Variants in INSRR observed in about 807,000 individuals in gnomAD.
INSRR encodes the protein insulin receptor related receptor.
INSRR carries 114 observed loss-of-function variants against 130.0 expected under a neutral mutation model. The ratio of observed to expected loss-of-function variants is 0.88; its 90% CI spans 0.75 to 1.02. The LOEUF (loss-of-function observed/expected upper bound fraction) is 1.02. INSRR is among the 50% of genes least tolerant of loss of function. INSRR has a pLI of 0.00. For synonymous variants in INSRR, 674 were observed against 705.2 expected (o/e 0.96, Z 0.70); for missense variants, 1,657 against 1,735.2 (o/e 0.95, Z 0.80).
rs545215100 is a variant in INSRR, at chr1:156,850,607, T to A, written c.1229+683A>T. Among the ~76,000 whole-genome samples, 8 of 132,806 alleles carry A rather than the reference T, an allele frequency of 6.0e-5. No individual in the cohort carries two copies. The South Asian group carries it at 2.1e-3, about 34-fold the overall frequency. The allele number at this position is 132,806 out of a possible 152,430, so 87.1% of individuals were successfully genotyped here. A position where few individuals can be genotyped will look rare whatever the true frequency, so the allele number is the denominator to read the frequency against. On this transcript the variant is annotated intron_variant, in intron 5 of 21. Transcript: ENST00000368195. Reference sequence around the variant, plus strand: ...CTGTAACTCAGGCCCTAGGCTGGAGTGCAGTGGCACGATTTCGGCTCACTG... The same window carrying A: ...CTGTAACTCAGGCCCTAGGCTGGAGAGCAGTGGCACGATTTCGGCTCACTG...
intron 12 of INSRR, 88 bp from the exon 13 acceptor site, chr1:156,844,931 G>A: frequency 6.3e-7 from 1 of 1,579,386 alleles, no homozygotes; most frequent in Admixed American, 1.7e-5. Context: ...TGAGCTGGGA[G>A]GTGGGGAAAG....
chr1:156,851,766 C>T lies in INSRR; in HGVS notation c.964G>A (p.Gly322Arg), dbSNP rs746583518. The change falls in exon 4 of 22, where the codon GGG becomes AGG. Residue 322 changes from glycine to arginine, a missense_variant. Gly to Arg is a moderately radical substitution (Grantham distance 125, BLOSUM62 -2). Transcript: ENST00000368195. ...SSSIFCHKCE[G>R]LCPKECKVGT... ...ACCTTGCACTCTTTAGGGCACAGCC[C>T]CTCGCACTTGTGGCAGAATATGCTA... The T allele has an allele frequency of 5.0e-6, 8 of 1,611,376 alleles. No homozygotes were observed. The highest frequency in any genetic ancestry group is 1.7e-5 in the Admixed American group (1 of 59,972).
chr1:156,854,436 G>T lies in INSRR; in HGVS notation c.86-133C>A. The T allele has an allele frequency of 1.0e-6, 1 of 988,172 alleles. No individual in the cohort carries two copies. Among genetic ancestry groups the T allele is most frequent in the Non-Finnish European group, 1.5e-6 (1 of 688,166 alleles). 61.2% of individuals were successfully genotyped at this position (988,172 alleles called of 1,614,324 possible). ...GGAGCCGGGCTCTGCTCTGGGTGTG[G>T]GGTGGCCTCCTTCCTGGGCCCCGGA... On this transcript the variant is annotated intron_variant, in intron 1 of 21. Transcript: ENST00000368195. The surrounding 1 kb of genome is among the most constrained non-coding windows in gnomAD (Gnocchi z 4.2).
At chr1:156,852,348 C>T (rs1056238966) in intron 2 of INSRR, among the ~76,000 whole-genome samples, 157 bp from the exon 3 acceptor site, 16 of 152,372 alleles carry the variant, frequency 1.1e-4, no homozygotes, top group Admixed American at 5.2e-4. Context: ...TGTTCCCCTC[C>T]GATGGGATTC....
chr1:156,843,642 G>A (rs919866520), intron 15 of INSRR, among the ~76,000 whole-genome samples, 163 bp from the exon 16 acceptor site: 8 of 152,240 alleles, frequency 5.3e-5, no homozygotes, highest in African/African-American at 1.9e-4. Context: ...CCTCCAAGTT[G>A]GCCTTGGCCC....
intron 15 of INSRR, 31 bp downstream of exon 15, chr1:156,844,144 G>A: frequency 6.6e-7 from 1 of 1,506,922 alleles, no homozygotes; most frequent in East Asian, 2.3e-5. Context: ...AGGGAGAAAA[G>A]GGGGTGGGGA....
At chr1:156,842,057 T>C (rs1654812473) in intron 19 of INSRR, 55 bp downstream of exon 19, 1 of 1,608,558 alleles carries the variant, frequency 6.2e-7, no homozygotes, top group African/African-American at 1.3e-5. Context: ...ATGCCTAGCT[T>C]AAGGGAGTCT....
At position 156,841,529 on chromosome 1, in the gene INSRR, C is replaced by T; in HGVS notation, c.3528-1G>A. On this transcript the variant is annotated splice_acceptor_variant, in intron 20 of 21. Coordinates refer to ENST00000368195, the MANE Select transcript of INSRR (RefSeq NM_014215.3). LOFTEE classifies it high-confidence loss of function. ...CTCCCAGAGTACCACGCCAAAGGAC[C>T]TGGGGGCATGCAGGAGCTCCTGAGC... The T allele has an allele frequency of 6.2e-7, 1 of 1,613,992 alleles. No individual in the cohort carries two copies. The highest frequency in any genetic ancestry group is 1.3e-5 in the African/African-American group (1 of 74,982).
At position 156,849,130 on chromosome 1, in the gene INSRR, A is replaced by C. The variant is rs1052955476; in HGVS notation, c.1445-83T>G. The stretch of plus-strand genomic sequence containing the variant: ...CCTGACCCCGCGGCATCCCATTCCC[A>C]GTGAGACCTCTGAGGAGAACTTCTC... On this transcript the variant is annotated intron_variant, in intron 6 of 21. Transcript: ENST00000368195. 3.8e-6 allele frequency: 6 copies of C among 1,596,894 alleles called. No individual in the cohort carries two copies. In the African/African-American group the frequency reaches 8.1e-5, roughly 21 times the overall value.
At chr1:156,851,842 G>A (rs1655221951) in intron 3 of INSRR, 46 bp downstream of exon 3, 2 of 1,578,898 alleles carry the variant, frequency 1.3e-6, no homozygotes, top group South Asian at 2.4e-5. Context: ...GCCTCCTCAG[G>A]CCTCCTCACT....
chr1:156,840,760 G>A lies in INSRR; in HGVS notation c.*113C>T, dbSNP rs559161018. On this transcript the variant is annotated 3_prime_UTR_variant, in exon 22 of 22. Coordinates refer to ENST00000368195, the MANE Select transcript of INSRR (RefSeq NM_014215.3). ...TGCTCCTGTTCTCTGCCCCACCCTC[G>A]GCCATCCCTTGCCCTGAGTTGGGGT... 22 of 809,592 alleles carry A rather than the reference G, an allele frequency of 2.7e-5. No homozygotes were observed. The highest frequency in any genetic ancestry group is 5.1e-5 in the African/African-American group (3 of 58,574). The allele number at this position is 809,592 out of a possible 1,614,324, so 50.2% of individuals were successfully genotyped here.
At chr1:156,845,585 T>TC (rs1267869816) in intron 10 of INSRR, 34 bp downstream of exon 10, 4 of 788,838 alleles carry the variant, frequency 5.1e-6, no homozygotes, top group Non-Finnish European at 7.3e-6. Context: ...GCCCCACTCA[T>TC]CAGACCCTCC....
chr1:156,844,968 G>T, intron 12 of INSRR, 108 bp downstream of exon 12: 2 of 1,538,260 alleles, frequency 1.3e-6, no homozygotes, highest in South Asian at 1.2e-5. Context: ...ACTGAGAGGG[G>T]CAAGCAAAGC....
rs1472915657 is a variant in INSRR at position 156,854,894 on chromosome 1, C to G, written c.86-591G>C. ...TTATAACCCCCCGTGACTTCCATCT[C>G]TCTTGATCTTACTACAGCCTACAGG... On this transcript the variant is annotated intron_variant, in intron 1 of 21. Coordinates refer to ENST00000368195, the MANE Select transcript of INSRR (RefSeq NM_014215.3). The surrounding 1 kb of genome is among the most constrained non-coding windows in gnomAD (Gnocchi z 4.2). Among the ~76,000 whole-genome samples the G allele has an allele frequency of 1.3e-5, 2 of 152,176 alleles. No homozygotes were observed. The highest frequency in any genetic ancestry group is 2.9e-5 in the Non-Finnish European group (2 of 68,028).
rs1487723097 is a variant in INSRR at position 156,844,498 on chromosome 1, A to G, written c.2701T>C (p.Trp901Arg). The change falls in exon 14 of 22, where the codon TGG becomes CGG. Residue 901 changes from tryptophan to arginine, a missense_variant. Trp to Arg is a moderately radical substitution (Grantham distance 101). Coordinates refer to ENST00000368195, the MANE Select transcript of INSRR (RefSeq NM_014215.3). The part of the protein sequence containing the change: ...RATSLAGNGS[W>R]TDSVAFYILG... ...ATGTAGAAGGCAACACTGTCTGTCCAAGAGCCATTGCCAGCCAGTGAGGTT... is the reference window on the plus strand; with the variant it reads ...ATGTAGAAGGCAACACTGTCTGTCCGAGAGCCATTGCCAGCCAGTGAGGTT... The G allele has an allele frequency of 6.2e-7, 1 of 1,614,136 alleles. No individual in the cohort carries two copies. Among genetic ancestry groups the G allele is most frequent in the Non-Finnish European group, 8.5e-7 (1 of 1,180,014 alleles).
At chr1:156,852,804 G>T (rs1490776608) in intron 2 of INSRR, among the ~76,000 whole-genome samples, 1 of 152,204 alleles carries the variant, frequency 6.6e-6, no homozygotes, top group Non-Finnish European at 1.5e-5. Flanking sequence ...CACTGTACAT[G>T]AGAGGATGCG....
At chr1:156,850,900 C>T (rs114554164) in intron 5 of INSRR, among the ~76,000 whole-genome samples, 134 of 152,272 alleles carry the variant, frequency 8.8e-4, no homozygotes, top group Non-Finnish European at 1.6e-3. Context: ...TATAGGTAGG[C>T]CTTGACTGGC....
intron 9 of INSRR, 69 bp from the exon 10 acceptor site, chr1:156,845,883 G>A: frequency 6.3e-7 from 1 of 1,597,374 alleles, no homozygotes; most frequent in Admixed American, 1.7e-5. Context: ...CCCACCTGCC[G>A]GGGCCCTGCG....
In INSRR at chr1:156,840,908, C is replaced by G; in HGVS notation, c.3859G>C (p.Asp1287His). Residue 1287 changes from aspartate (D) to histidine (H), a missense_variant, in exon 22 of 22, where the codon GAC (aspartate) becomes CAC (histidine). Physicochemically the swap from Asp to His is moderately conservative, Grantham distance 81. Coordinates refer to ENST00000368195, the MANE Select transcript of INSRR (RefSeq NM_014215.3). ...AEPDSSPTPRDCSPQNGGPGH is the reference protein window; with the variant it reads ...AEPDSSPTPRHCSPQNGGPGH ...GGACCCCCATTTTGAGGGCTGCAGT[C>G]TCTTGGAGTGGGTGAGGAGTCAGGC... The G allele has an allele frequency of 2.5e-6, 4 of 1,614,044 alleles. No individual in the cohort carries two copies. The highest frequency in any genetic ancestry group is 3.4e-6 in the Non-Finnish European group (4 of 1,179,952).
Sources: allele counts gnomAD v4.1 joint callset (sites outside exome capture counted in the v4.1 genomes callset), GRCh38; gene constraint gnomAD v4.1.1; non-coding constraint Gnocchi (gnomAD v3.1); transcripts MANE v1.5; gene names NCBI Gene and HGNC (gene_info 2026-07-23, HGNC 2026-07-21).